Variants in PDE1A observed in about 807,000 individuals in gnomAD.
PDE1A encodes phosphodiesterase 1A.
A neutral mutation model predicts 61.7 loss-of-function variants in PDE1A; 35 were observed. The ratio of observed to expected loss-of-function variants is 0.57; its 90% confidence interval spans 0.43 to 0.75. The LOEUF (loss-of-function observed/expected upper bound fraction) is 0.75, where lower values mean the gene tolerates loss of function less well. PDE1A is among the 30% of genes least tolerant of loss of function. The probability of loss-of-function intolerance (pLI) is 0.00; values close to 1 mark genes in which losing one functional copy is unlikely to be tolerated. For missense variants in PDE1A, 597 were observed against 630.6 expected, an observed-to-expected ratio of 0.95 and a Z score of 0.57; for synonymous variants, 232 against 213.2, an observed-to-expected ratio of 1.09 and a Z score of -0.77.
chr2:182,683,995 T>C, the PDE1A span, among the ~76,000 whole-genome samples: 3 of 151,800 alleles, frequency 2.0e-5, no homozygotes, highest in Admixed American at 6.6e-5. Flanking sequence ...TGGTGGCGCA[T>C]GCCTGTAATC....
chr2:182,357,442 A>G (rs1047591522), intron 1 of PDE1A, among the ~76,000 whole-genome samples: 1 of 152,104 alleles, frequency 6.6e-6, no homozygotes. Flanking sequence ...GAAAAGCTTA[A>G]AAAACAGTAT....
At chr2:182,372,360 C>T (rs1456470887) in intron 1 of PDE1A, among the ~76,000 whole-genome samples, 2 of 152,046 alleles carry the variant, frequency 1.3e-5, no homozygotes, top group Non-Finnish European at 2.9e-5. Flanking sequence ...AATTCAATAA[C>T]TGTTTGATAA....
the PDE1A span, among the ~76,000 whole-genome samples, chr2:182,560,638 C>G: frequency 6.6e-6 from 1 of 152,184 alleles, no homozygotes; most frequent in East Asian, 1.9e-4. Flanking sequence ...GGAATCACCA[C>G]ACTGACTTTC....
chr2:182,456,119 G>A (rs1125184), intron 2 of PDE1A, among the ~76,000 whole-genome samples: 25,836 of 152,042 alleles, frequency 0.17, 2,586 homozygotes, highest in Middle Eastern at 0.35. Context: ...TGCCCAACTA[G>A]TCATCAGGGT....
At chr2:182,626,744 TATAC>T in the PDE1A span, among the ~76,000 whole-genome samples, 17 of 45,334 alleles carry the variant, frequency 3.7e-4, 1 homozygote, top group African/African-American at 1.6e-3. Context: ...TATACATATA[TATAC>T]ATATATATAT....
the PDE1A span, among the ~76,000 whole-genome samples, chr2:182,645,646 A>AT: frequency 6.6e-6 from 1 of 152,244 alleles, no homozygotes; most frequent in Non-Finnish European, 1.5e-5. Context: ...AAAGTTCAAG[A>AT]TTTCTAAAGT....
intron 2 of PDE1A, among the ~76,000 whole-genome samples, chr2:182,257,049 T>C (rs1055221709): frequency 6.6e-6 from 1 of 152,220 alleles, no homozygotes; most frequent in South Asian, 2.1e-4. Flanking sequence ...CCTGTGGCAT[T>C]TGATTTACCC....
Position 182,501,142 on chromosome 2 carries a change from C to G in PDE1A, c.101+21134G>C, listed in dbSNP as rs369292061. ...GAATTATTTAAGTCAACTGAAACTA[C>G]TACTACTGTGAATAGAGGCACAACG... On this transcript the variant is annotated intron_variant, in intron 2 of 14. Transcript: ENST00000410103. Among the ~76,000 whole-genome samples, 19 of 152,326 alleles carry G rather than the reference C, an allele frequency of 1.2e-4. No individual in the cohort carries two copies. The East Asian group carries it at 1.9e-3, about 15-fold the overall frequency.
chr2:182,426,850 C>T, exon 1 of PDE1A: 1 of 1,365,692 alleles, frequency 7.3e-7, no homozygotes, highest in Non-Finnish European at 9.4e-7. Context: ...GGGCACTCCC[C>T]CACAGAGCAG....
At chr2:182,593,645 T>C in the PDE1A span, among the ~76,000 whole-genome samples, 3 of 152,208 alleles carry the variant, frequency 2.0e-5, no homozygotes, top group Non-Finnish European at 2.9e-5. Context: ...TATATAATTA[T>C]GTAGAGTGAC....
intron 2 of PDE1A, among the ~76,000 whole-genome samples, chr2:182,434,343 G>T (rs1238717953): frequency 2.0e-5 from 3 of 151,984 alleles, no homozygotes; most frequent in African/African-American, 7.2e-5. Flanking sequence ...AAATACAATG[G>T]CATCTTGGTC....
chr2:182,142,781 G>T (rs754657947), downstream of PDE1A: 1 of 152,272 alleles, frequency 6.6e-6, no homozygotes, highest in East Asian at 1.9e-4. Flanking sequence ...TCTGACTTTT[G>T]TCTCAAAAAT....
chr2:182,643,349 G>T, the PDE1A span, among the ~76,000 whole-genome samples: 1 of 152,176 alleles, frequency 6.6e-6, no homozygotes, highest in Non-Finnish European at 1.5e-5. Flanking sequence ...AGCCAGGTCT[G>T]CCGCCTAGGT....
chr2:182,337,558 TAG>T (rs1200700645), intron 1 of PDE1A, among the ~76,000 whole-genome samples: 1 of 152,168 alleles, frequency 6.6e-6, no homozygotes, highest in Non-Finnish European at 1.5e-5. Flanking sequence ...AGCTTTTCAC[TAG>T]AGTTTCCAAA....
At chr2:182,605,174 T>C in the PDE1A span, among the ~76,000 whole-genome samples, 29 of 152,272 alleles carry the variant, frequency 1.9e-4, no homozygotes, top group Non-Finnish European at 4.0e-4. Context: ...CCTGGTCCAA[T>C]TAGACCTACC....
At chr2:182,633,439 A>G in the PDE1A span, among the ~76,000 whole-genome samples, 3 of 152,086 alleles carry the variant, frequency 2.0e-5, no homozygotes, top group African/African-American at 7.2e-5. Flanking sequence ...CTGAAAACTC[A>G]CTCACACCAA....
At chr2:182,402,715 G>T (rs1414621542) in intron 1 of PDE1A, among the ~76,000 whole-genome samples, 1 of 152,260 alleles carries the variant, frequency 6.6e-6, no homozygotes, top group Non-Finnish European at 1.5e-5. Flanking sequence ...CACAGCAAAA[G>T]AAACTATCAT....
the PDE1A span, among the ~76,000 whole-genome samples, chr2:182,620,437 A>G: frequency 6.6e-6 from 1 of 152,350 alleles, no homozygotes; most frequent in South Asian, 2.1e-4. Context: ...CCTGACAAAA[A>G]TATAAGTTGG....
intron 2 of PDE1A, among the ~76,000 whole-genome samples, chr2:182,512,060 C>T (rs1343204480): frequency 1.3e-5 from 2 of 152,128 alleles, no homozygotes; most frequent in African/African-American, 2.4e-5. Context: ...CCTCACACCA[C>T]CATCCCATTG....
Sources: gnomAD v4.1 joint callset for allele counts (sites outside exome capture counted in the v4.1 genomes callset) on GRCh38, gnomAD v4.1.1 for gene constraint, MANE v1.5 for transcripts, NCBI Gene and HGNC (gene_info 2026-07-23, HGNC 2026-07-21) for gene names.